The following CPQ variants were observed in gnomAD, a reference collection of about 807,000 sequenced individuals.
CPQ encodes the protein Ser-Met dipeptidase.
A neutral mutation model predicts 45.7 loss-of-function variants in CPQ; 37 were observed. That is an observed-to-expected ratio of 0.81 (90% confidence interval 0.62 to 1.07). CPQ has a LOEUF of 1.07. Among genes scored for constraint, CPQ ranks in the 50% least tolerant of loss-of-function variants. CPQ has a pLI of 0.00. For missense variants in CPQ, 537 were observed against 572.9 expected, an observed-to-expected ratio of 0.94 and a Z score of 0.64; for synonymous variants, 186 against 205.8, an observed-to-expected ratio of 0.90 and a Z score of 0.82.
intron 1 of CPQ, among the ~76,000 whole-genome samples, chr8:96,666,294 G>A (rs1487392553): frequency 6.6e-6 from 1 of 152,176 alleles, no homozygotes; most frequent in Non-Finnish European, 1.5e-5. Context: ...CATGCTTACA[G>A]GGGTGTTATT....
intron 1 of CPQ, among the ~76,000 whole-genome samples, chr8:96,686,651 A>G (rs1809231879): frequency 6.6e-6 from 1 of 151,634 alleles, no homozygotes; most frequent in South Asian, 2.1e-4. Flanking sequence ...TTTAGGCTAT[A>G]TTTTTATTTT....
At chr8:96,878,319 C>A (rs774401563) in intron 3 of CPQ, among the ~76,000 whole-genome samples, 1 of 152,092 alleles carries the variant, frequency 6.6e-6, no homozygotes, top group Admixed American at 6.5e-5. Context: ...TGGTACTAAT[C>A]ACTTGAGATT....
intron 1 of CPQ, among the ~76,000 whole-genome samples, chr8:96,702,608 A>G (rs1247952379): frequency 6.6e-6 from 1 of 152,036 alleles, no homozygotes; most frequent in Non-Finnish European, 1.5e-5. Flanking sequence ...TTCACCACAA[A>G]CTCATGAGGT....
intron 1 of CPQ, among the ~76,000 whole-genome samples, chr8:96,750,240 A>G (rs1258951518): frequency 6.6e-6 from 1 of 151,986 alleles, no homozygotes; most frequent in Admixed American, 6.6e-5. Flanking sequence ...TACAGATAAT[A>G]TATAATACTC....
chr8:96,933,101 A>C lies in CPQ; in HGVS notation c.850-32834A>C, dbSNP rs190709573. On this transcript the variant is annotated intron_variant, in intron 4 of 7. Transcript: ENST00000220763. ...TCAGAGAGGACCACTGAATGTTTGC[A>C]AAGAACTACCACAAGCCCTCACCAT... is the stretch of plus-strand genomic sequence containing the variant. 1.9e-4 allele frequency among the ~76,000 whole-genome samples: 29 copies of C among 152,300 alleles called. 1 individual carries two copies. In the East Asian group the frequency reaches 4.8e-3, roughly 25 times the overall value.
chr8:96,768,469 G>T (rs977875423), intron 1 of CPQ, among the ~76,000 whole-genome samples: 1 of 152,134 alleles, frequency 6.6e-6, no homozygotes, highest in Non-Finnish European at 1.5e-5. Flanking sequence ...ATAAGTATGT[G>T]TGTGTTCCCG....
chr8:97,049,056 G>A (rs1479946449), intron 6 of CPQ, among the ~76,000 whole-genome samples: 1 of 152,130 alleles, frequency 6.6e-6, no homozygotes, highest in Non-Finnish European at 1.5e-5. Flanking sequence ...TTGTACAAAA[G>A]TGTTGAGAAT....
At chr8:96,963,104 T>A (rs1813489252) in intron 4 of CPQ, among the ~76,000 whole-genome samples, 1 of 152,214 alleles carries the variant, frequency 6.6e-6, no homozygotes, top group Non-Finnish European at 1.5e-5. Context: ...TAAAGAAGTA[T>A]GATCGTAAAC....
chr8:96,852,026 C>T (rs1227263579), intron 3 of CPQ, among the ~76,000 whole-genome samples: 1 of 152,222 alleles, frequency 6.6e-6, no homozygotes, highest in Non-Finnish European at 1.5e-5. Flanking sequence ...TATGATATTT[C>T]TCCTTCCAGA....
chr8:96,803,595 T>C (rs1028530216), intron 2 of CPQ, among the ~76,000 whole-genome samples: 1 of 152,178 alleles, frequency 6.6e-6, no homozygotes, highest in African/African-American at 2.4e-5. Context: ...TGGTTTTCAA[T>C]ACACTGAACC....
chr8:96,930,890 C>T (rs1812965133), intron 4 of CPQ, among the ~76,000 whole-genome samples: 1 of 152,156 alleles, frequency 6.6e-6, no homozygotes, highest in Non-Finnish European at 1.5e-5. Flanking sequence ...ATTTATGGGG[C>T]AAAGACAGAC....
chr8:97,087,886 A>G (rs1811066706), intron 7 of CPQ, among the ~76,000 whole-genome samples: 1 of 152,226 alleles, frequency 6.6e-6, no homozygotes. Flanking sequence ...GTACATTTAC[A>G]GTACTTGATC....
intron 6 of CPQ, among the ~76,000 whole-genome samples, chr8:97,030,918 GT>G (rs1413086020): frequency 6.6e-6 from 1 of 152,156 alleles, no homozygotes; most frequent in Non-Finnish European, 1.5e-5. Flanking sequence ...GGACCTGTGT[GT>G]GCAAAGGCAG....
intron 4 of CPQ, among the ~76,000 whole-genome samples, chr8:96,952,374 G>A (rs991586679): frequency 6.6e-6 from 1 of 151,952 alleles, no homozygotes; most frequent in African/African-American, 2.4e-5. Context: ...GCTTTGATAG[G>A]GTGTGATTGT....
Position 96,675,419 on chromosome 8 carries a change from A to G in CPQ, c.-35+30017A>G, listed in dbSNP as rs184919012. Among the ~76,000 whole-genome samples, 2 of 152,202 alleles carry G rather than the reference A, an allele frequency of 1.3e-5. 1 individual carries two copies. Among genetic ancestry groups the G allele is most frequent in the Admixed American group, 1.3e-4 (2 of 15,276 alleles). ...TTCTTTTTAATTAGCTTCATGTTCT[A>G]ATTGGTACGTTACATGTACCAATAC... On this transcript the variant is annotated intron_variant, in intron 1 of 7. Coordinates refer to ENST00000220763, the MANE Select transcript of CPQ (RefSeq NM_016134.4).
chr8:96,894,108 T>G (rs1812412526), intron 4 of CPQ, among the ~76,000 whole-genome samples: 1 of 152,204 alleles, frequency 6.6e-6, no homozygotes, highest in African/African-American at 2.4e-5. Flanking sequence ...AGACACTGAC[T>G]TCTTCTGCTA....
intron 6 of CPQ, among the ~76,000 whole-genome samples, chr8:97,054,748 A>C (rs1810423477): frequency 6.6e-6 from 1 of 152,174 alleles, no homozygotes; most frequent in African/African-American, 2.4e-5. Flanking sequence ...AGGGTGGTAT[A>C]ATGGACACTG....
intron 1 of CPQ, among the ~76,000 whole-genome samples, chr8:96,750,712 C>CTGCACAGA (rs1810246978): frequency 6.6e-6 from 1 of 150,894 alleles, no homozygotes; most frequent in Non-Finnish European, 1.5e-5. Context: ...TGGTGGTTTG[C>CTGCACAGA]TGCACAGATC....
chr8:97,045,503 G>A lies in CPQ; in HGVS notation c.1053+16009G>A, dbSNP rs145373365. On this transcript the variant is annotated intron_variant, in intron 6 of 7. Coordinates refer to ENST00000220763, the MANE Select transcript of CPQ (RefSeq NM_016134.4). ...CGACGCACTGCACCCACTGTCCTGC[G>A]CCCACTGTCTGGCACTCCCTAGTGA... 4.8e-3 allele frequency among the ~76,000 whole-genome samples: 734 copies of A among 152,202 alleles called. 6 individuals carry two copies. The highest frequency in any genetic ancestry group is 0.016 in the African/African-American group (657 of 41,538).
Sources: allele counts gnomAD v4.1 joint callset (sites outside exome capture counted in the v4.1 genomes callset), GRCh38; gene constraint gnomAD v4.1.1; transcripts MANE v1.5; gene names NCBI Gene and HGNC (gene_info 2026-07-23, HGNC 2026-07-21).